Variants in ACP3 observed in about 807,000 individuals in gnomAD.
ACP3 encodes prostatic acid phosphatase.
In ACP3, 38 loss-of-function variants were observed where a neutral mutation model predicts 45.6. That is an observed-to-expected ratio of 0.83 (90% confidence interval 0.64 to 1.09). The LOEUF is 1.09. Ranked by LOEUF, ACP3 falls within the 50% of genes least tolerant of loss-of-function variation. The pLI is 0.00. For synonymous variants in ACP3, 162 were observed against 164.7 expected, an observed-to-expected ratio of 0.98 and a Z score of 0.13; for missense variants, 466 against 463.2, an observed-to-expected ratio of 1.01 and a Z score of -0.05.
intron 1 of ACP3, 61 bp downstream of exon 1, chr3:132,317,637 G>A: frequency 6.5e-7 from 1 of 1,546,858 alleles, no homozygotes; most frequent in East Asian, 2.3e-5. Context: ...AGTCTGATAA[G>A]GCAAGCGTCA....
At chr3:132,322,384 C>A (rs1937223032) in intron 1 of ACP3, among the ~76,000 whole-genome samples, 4 of 152,170 alleles carry the variant, frequency 2.6e-5, no homozygotes, top group Admixed American at 1.3e-4. Flanking sequence ...TTACATTACT[C>A]AATTATTTCT....
intron 5 of ACP3, among the ~76,000 whole-genome samples, chr3:132,337,883 G>T (rs1455744712): frequency 1.3e-5 from 2 of 152,072 alleles, no homozygotes; most frequent in Non-Finnish European, 2.9e-5. Context: ...CTAAGGGGCT[G>T]GGATTATTGT....
At chr3:132,327,239 G>T (rs1391486312) in intron 1 of ACP3, among the ~76,000 whole-genome samples, 1 of 152,252 alleles carries the variant, frequency 6.6e-6, no homozygotes, top group Non-Finnish European at 1.5e-5. Context: ...AATGTTGCCA[G>T]GTGTGGTGGC....
intron 5 of ACP3, among the ~76,000 whole-genome samples, chr3:132,339,533 G>T (rs564876520): frequency 1.3e-4 from 19 of 151,652 alleles, no homozygotes; most frequent in African/African-American, 4.6e-4. Context: ...CTGGCTTTAA[G>T]TTGGGGTTCC....
At chr3:132,345,424 T>C (rs1349968581) in intron 7 of ACP3, among the ~76,000 whole-genome samples, 1 of 152,216 alleles carries the variant, frequency 6.6e-6, no homozygotes, top group Non-Finnish European at 1.5e-5. Flanking sequence ...AAATCAAGGA[T>C]CTGTGTCTGA....
Position 132,352,799 on chromosome 3 carries a change from T to G in ACP3, c.944T>G (p.Leu315Trp). The change falls in exon 9 of 10, where the codon TTG (leucine) becomes TGG (tryptophan). Residue 315 changes from leucine (L) to tryptophan (W), a missense_variant. Leu to Trp is a moderately conservative substitution (Grantham distance 61, BLOSUM62 -2). Coordinates refer to ENST00000336375, the MANE Select transcript of ACP3 (RefSeq NM_001099.5). ...CTTCCTCCCTATGCTTCTTGCCACTTGACGGAATTGTACTTTGAGAAGGGG... is the reference window on the plus strand; with the variant it reads ...CTTCCTCCCTATGCTTCTTGCCACTGGACGGAATTGTACTTTGAGAAGGGG... ...GLLPPYASCHLTELYFEKGEY... is the reference protein window; with the variant it reads ...GLLPPYASCHWTELYFEKGEY... 6.2e-7 allele frequency: 1 copy of G among 1,612,816 alleles called. No homozygotes were observed. The highest frequency in any genetic ancestry group is 1.3e-5 in the African/African-American group (1 of 75,022).
intron 4 of ACP3, 49 bp downstream of exon 4, chr3:132,332,393 G>T (rs1278523520): frequency 6.2e-7 from 1 of 1,604,742 alleles, no homozygotes; most frequent in African/African-American, 1.3e-5. Flanking sequence ...CTAGAATGAG[G>T]AAGGCAGGCT....
chr3:132,366,713 G>A (rs1391310808), intron 10 of ACP3, among the ~76,000 whole-genome samples: 6 of 152,146 alleles, frequency 3.9e-5, no homozygotes, highest in East Asian at 1.9e-4. Context: ...TGAGTCTTGC[G>A]CTTAAGATAG....
At chr3:132,335,968 AAAT>A (rs1296583996) in intron 4 of ACP3, among the ~76,000 whole-genome samples, 1 of 152,220 alleles carries the variant, frequency 6.6e-6, no homozygotes, top group Non-Finnish European at 1.5e-5. Flanking sequence ...CATGCTTAAA[AAAT>A]AATAATAGGC....
chr3:132,331,251 G>A (rs1937393305), intron 2 of ACP3, among the ~76,000 whole-genome samples: 1 of 152,222 alleles, frequency 6.6e-6, no homozygotes, highest in African/African-American at 2.4e-5. Flanking sequence ...GATTCATCGA[G>A]TCTAATCTCA....
At chr3:132,338,746 C>A (rs1441092563) in intron 5 of ACP3, among the ~76,000 whole-genome samples, 1 of 152,164 alleles carries the variant, frequency 6.6e-6, no homozygotes, top group African/African-American at 2.4e-5. Flanking sequence ...AGGAATAAGA[C>A]AAGGAAGCTC....
Position 132,357,588 on chromosome 3 carries a change from ATG to A in ACP3, c.*712_*713del. ...CAAACTTTACAGAAAGATTTGATGTATGTAATACATATAGCAGCTCTTGAAGT... is the reference window on the plus strand; with the variant it reads ...CAAACTTTACAGAAAGATTTGATGTATAATACATATAGCAGCTCTTGAAGT... On this transcript the variant is annotated 3_prime_UTR_variant, in exon 10 of 10. Transcript: ENST00000336375. The A allele has an allele frequency of 6.1e-6, 6 of 984,080 alleles. No individual in the cohort carries two copies. The highest frequency in any genetic ancestry group is 7.2e-6 in the Non-Finnish European group (6 of 828,660). 61.0% of individuals were successfully genotyped at this position (984,080 alleles called of 1,614,324 possible).
rs1937926312 is a variant in ACP3, at chr3:132,357,150, G to A, written c.*272G>A. 8.8e-7 allele frequency: 1 copy of A among 1,137,736 alleles called. No homozygotes were observed. The highest frequency in any genetic ancestry group is 1.6e-5 in the African/African-American group (1 of 62,366). The allele number at this position is 1,137,736 out of a possible 1,614,324, so 70.5% of individuals were successfully genotyped here. On this transcript the variant is annotated 3_prime_UTR_variant, in exon 10 of 10. Coordinates refer to ENST00000336375, the MANE Select transcript of ACP3 (RefSeq NM_001099.5). ...AAATATAATCAGAGATAAAGCTTAG[G>A]TCAAAGTTCATAGAGTTCCCATGAA... is the stretch of plus-strand genomic sequence containing the variant.
rs149635003 is a variant in ACP3, at chr3:132,352,755, A to G, written c.900A>G (p.Leu300=). ...DTTVSGLQMA[L]DVYNGLLPPY... Reference sequence around the variant, plus strand: ...CTGTGAGTGGCCTACAGATGGCGCTAGATGTTTACAACGGACTCCTTCCTC... The same window carrying G: ...CTGTGAGTGGCCTACAGATGGCGCTGGATGTTTACAACGGACTCCTTCCTC... Residue 300 remains leucine (L), a synonymous_variant, in exon 9 of 10, where the codon CTA becomes CTG. Coordinates refer to ENST00000336375, the MANE Select transcript of ACP3 (RefSeq NM_001099.5). 6.1e-5 allele frequency: 99 copies of G among 1,613,778 alleles called. No individual in the cohort carries two copies. Among genetic ancestry groups the G allele is most frequent in the Non-Finnish European group, 5.6e-5 (66 of 1,179,794 alleles).
chr3:132,367,628 A>T (rs1043876075), intron 10 of ACP3: 9 of 1,180,070 alleles, frequency 7.6e-6, no homozygotes, highest in Non-Finnish European at 1.1e-5. Flanking sequence ...TAAGGCAGAA[A>T]GCAACACTCA....
At chr3:132,336,070 C>T (rs1376421486) in intron 4 of ACP3, among the ~76,000 whole-genome samples, 1 of 152,084 alleles carries the variant, frequency 6.6e-6, no homozygotes, top group Non-Finnish European at 1.5e-5. Flanking sequence ...ACCATCCTGG[C>T]TAACACAGTG....
At chr3:132,361,691 T>C (rs1938043275), downstream of ACP3, among the ~76,000 whole-genome samples, 2 of 152,264 alleles carry the variant, frequency 1.3e-5, no homozygotes, top group Admixed American at 1.3e-4. Context: ...CCCAAAAGTC[T>C]GACTCCATTT....
rs950542755 is a variant in ACP3 at position 132,349,985 on chromosome 3, C to T, written c.847C>T (p.Leu283Phe). The change falls in exon 8 of 10, where the codon CTC becomes TTC. Residue 283 changes from leucine to phenylalanine, a missense_variant. Leu to Phe is a conservative substitution (Grantham distance 22). Coordinates refer to ENST00000336375, the MANE Select transcript of ACP3 (RefSeq NM_001099.5). ...AACTCAGATACCAAGCTACAAAAAACTCATCATGTATTCTGCGGTAAGTAT... is the reference window on the plus strand; with the variant it reads ...AACTCAGATACCAAGCTACAAAAAATTCATCATGTATTCTGCGGTAAGTAT... ...RATQIPSYKKLIMYSAHDTTV... is the reference protein window; with the variant it reads ...RATQIPSYKKFIMYSAHDTTV... 6.2e-7 allele frequency: 1 copy of T among 1,608,038 alleles called. No homozygotes were observed. Among genetic ancestry groups the T allele is most frequent in the African/African-American group, 1.3e-5 (1 of 74,846 alleles).
intron 8 of ACP3, 71 bp downstream of exon 8, chr3:132,350,073 C>A: frequency 1.8e-6 from 2 of 1,105,816 alleles, no homozygotes; most frequent in Non-Finnish European, 1.4e-6. Flanking sequence ...AGGACCTCAT[C>A]TTTTTTTAAT....
Sources: allele counts gnomAD v4.1 joint callset (sites outside exome capture counted in the v4.1 genomes callset), GRCh38; gene constraint gnomAD v4.1.1; transcripts MANE v1.5; gene names NCBI Gene and HGNC (gene_info 2026-07-23, HGNC 2026-07-21).